Variants in ZYG11B observed in about 807,000 individuals in gnomAD.
The protein encoded by ZYG11B is protein zyg-11 homolog B.
In ZYG11B, 36 loss-of-function variants were observed where a neutral mutation model predicts 82.4. That is an observed-to-expected ratio of 0.44 (90% confidence interval 0.33 to 0.58). The LOEUF (loss-of-function observed/expected upper bound fraction) is 0.58, where lower values mean the gene tolerates loss of function less well. Among genes scored for constraint, ZYG11B ranks in the 20% least tolerant of loss-of-function variants. ZYG11B has a pLI of 0.02. For missense variants in ZYG11B, 552 were observed against 895.6 expected, an observed-to-expected ratio of 0.62 and a Z score of 4.90; for synonymous variants, 303 against 312.8, an observed-to-expected ratio of 0.97 and a Z score of 0.33.
intron 10 of ZYG11B, among the ~76,000 whole-genome samples, chr1:52,803,261 TATATACACACACAC>T (rs1558140666): frequency 5.2e-5 from 4 of 77,002 alleles, no homozygotes; most frequent in South Asian, 3.8e-4. Flanking sequence ...TATATATATA[TATATACACACACAC>T]ACACATATAT....
chr1:52,771,758 G>A lies in ZYG11B; in HGVS notation c.935G>A (p.Gly312Asp), dbSNP rs1170352058. Residue 312 changes from glycine to aspartate, a missense_variant, in exon 3 of 14, where the codon GGC becomes GAC. Around this residue, in one of 3 missense-constraint regions of ZYG11B, gnomAD observed 359 missense variants for 555.8 expected, o/e 0.65. Coordinates refer to ENST00000294353, the MANE Select transcript of ZYG11B (RefSeq NM_024646.3). This position sits in a 1 kb window ranked among gnomAD's most constrained non-coding sequence, Gnocchi z 5.4. The stretch of plus-strand genomic sequence containing the variant: ...GCTGGTTACTCTGAATTCCTCACAG[G>A]CGAAGGACATTTGAAGGTTAGACTT... The part of the protein sequence containing the change: ...TDAGYSEFLT[G>D]EGHLKVSGEA... 3.7e-6 allele frequency: 6 copies of A among 1,609,094 alleles called. No homozygotes were observed. The highest frequency in any genetic ancestry group is 5.1e-6 in the Non-Finnish European group (6 of 1,176,892).
chr1:52,817,777 G>GTGTATGTATATATATA (rs1352242565), intron 13 of ZYG11B, among the ~76,000 whole-genome samples: 2 of 41,542 alleles, frequency 4.8e-5, no homozygotes, highest in African/African-American at 2.5e-4. Context: ...ATATATATGT[G>GTGTATGTATATATATA]TATATATATA....
chr1:52,810,770 C>T (rs1645175470), intron 10 of ZYG11B, among the ~76,000 whole-genome samples: 1 of 152,126 alleles, frequency 6.6e-6, no homozygotes, highest in Non-Finnish European at 1.5e-5. Flanking sequence ...CAGGGTGGCT[C>T]ACACCTGTAA....
chr1:52,776,227 A>ATATATAT (rs1553260249), intron 3 of ZYG11B, among the ~76,000 whole-genome samples: 2 of 2,928 alleles, frequency 6.8e-4, no homozygotes, highest in African/African-American at 4.2e-4. Flanking sequence ...CTTAAAAAAA[A>ATATATAT]AAATATATAT....
At chr1:52,797,509 A>G (rs1645036187) in intron 8 of ZYG11B, among the ~76,000 whole-genome samples, 1 of 91,030 alleles carries the variant, frequency 1.1e-5, no homozygotes, top group Admixed American at 1.5e-4. Context: ...ATAAAAATAT[A>G]TATATATATT....
chr1:52,741,521 C>T (rs771335874), intron 1 of ZYG11B, among the ~76,000 whole-genome samples: 62 of 152,134 alleles, frequency 4.1e-4, no homozygotes, highest in Non-Finnish European at 7.9e-4. Context: ...GATACGTAGT[C>T]TTTTTCTCTA....
At chr1:52,740,975 A>G (rs1232320255) in intron 1 of ZYG11B, among the ~76,000 whole-genome samples, 1 of 151,920 alleles carries the variant, frequency 6.6e-6, no homozygotes, top group African/African-American at 2.4e-5. Context: ...TATTTCTGGA[A>G]GCCTGACTTG....
intron 5 of ZYG11B, among the ~76,000 whole-genome samples, chr1:52,786,767 C>T (rs1038999460): frequency 2.0e-5 from 3 of 151,976 alleles, no homozygotes; most frequent in Admixed American, 1.3e-4. Flanking sequence ...TGCAACAGAG[C>T]AAGACCTTGT....
At chr1:52,801,426 A>G (rs1645074963) in intron 8 of ZYG11B, among the ~76,000 whole-genome samples, 1 of 152,208 alleles carries the variant, frequency 6.6e-6, no homozygotes, top group South Asian at 2.1e-4. Flanking sequence ...AATGGGAATA[A>G]CAGTACTACA....
intron 4 of ZYG11B, 131 bp from the exon 5 acceptor site, chr1:52,784,746 C>T: frequency 1.0e-6 from 1 of 976,668 alleles, no homozygotes; most frequent in Non-Finnish European, 1.5e-6. Context: ...ATCCTAGGCT[C>T]TTTGCACATG....
At chr1:52,751,355 C>T (rs544812222) in intron 1 of ZYG11B, among the ~76,000 whole-genome samples, 3 of 150,046 alleles carry the variant, frequency 2.0e-5, no homozygotes, top group Admixed American at 6.7e-5. Context: ...AAATAGCCAG[C>T]GCGGTGGCTC....
chr1:52,743,055 A>G (rs142674233), intron 1 of ZYG11B, among the ~76,000 whole-genome samples: 2,723 of 151,978 alleles, frequency 0.018, 45 homozygotes, highest in Non-Finnish European at 0.03. Flanking sequence ...TCTGGGAGGT[A>G]TACCCAACAG....
chr1:52,801,366 C>T (rs1251176906), intron 8 of ZYG11B, among the ~76,000 whole-genome samples: 1 of 152,042 alleles, frequency 6.6e-6, no homozygotes, highest in Admixed American at 6.6e-5. Flanking sequence ...ACTAAATTGA[C>T]TATGAACAAA....
rs145890187 is a variant in ZYG11B at position 52,802,049 on chromosome 1, T to G, written c.1648-43T>G. 245 of 1,581,968 alleles carry G rather than the reference T, an allele frequency of 1.5e-4. 1 individual carries two copies. In the African/African-American group the frequency reaches 2.9e-3, roughly 19 times the overall value. ...TATTTACTTTAGCATTTATTTTATA[T>G]TTGGTTCTTCAGGTAATTATAGGTT... On this transcript the variant is annotated intron_variant, in intron 9 of 13. Coordinates refer to ENST00000294353, the MANE Select transcript of ZYG11B (RefSeq NM_024646.3).
intron 2 of ZYG11B, among the ~76,000 whole-genome samples, chr1:52,764,555 C>T (rs1017319023): frequency 8.5e-5 from 13 of 152,102 alleles, no homozygotes; most frequent in Admixed American, 8.5e-4. Flanking sequence ...GTCTAAGATT[C>T]CTCATCTGTA....
chr1:52,744,936 G>T (rs1467482760), intron 1 of ZYG11B, among the ~76,000 whole-genome samples: 1 of 152,164 alleles, frequency 6.6e-6, no homozygotes, highest in East Asian at 1.9e-4. Context: ...ACTTTGTAAG[G>T]TTATTGTGAG....
intron 4 of ZYG11B, among the ~76,000 whole-genome samples, chr1:52,781,539 A>C (rs1644856728): frequency 6.6e-6 from 1 of 152,244 alleles, no homozygotes; most frequent in Non-Finnish European, 1.5e-5. Flanking sequence ...CCCCACTCCC[A>C]AAAATTTAGA....
At chr1:52,815,437 A>AT (rs1193026031) in intron 12 of ZYG11B, among the ~76,000 whole-genome samples, 8 of 152,072 alleles carry the variant, frequency 5.3e-5, no homozygotes, top group African/African-American at 1.9e-4. Context: ...CCTGAGCAAC[A>AT]TAGTGAGACC....
At chr1:52,731,038 C>T (rs1471127803) in intron 1 of ZYG11B, among the ~76,000 whole-genome samples, 7 of 151,818 alleles carry the variant, frequency 4.6e-5, no homozygotes, top group Admixed American at 1.3e-4. Context: ...TTTGGGAGGC[C>T]GAGGTGGGTG....
Sources: gnomAD v4.1 joint callset for allele counts (sites outside exome capture counted in the v4.1 genomes callset) on GRCh38, gnomAD v4.1.1 for gene constraint, gnomAD v4.1.1 regional missense constraint, Gnocchi (gnomAD v3.1) non-coding constraint, MANE v1.5 for transcripts, NCBI Gene and HGNC (gene_info 2026-07-23, HGNC 2026-07-21) for gene names.